Variants in DNTTIP1 observed in about 807,000 individuals in gnomAD.
DNTTIP1 encodes the protein deoxynucleotidyltransferase terminal interacting protein 1.
A neutral mutation model predicts 52.9 loss-of-function variants in DNTTIP1; 22 were observed. The ratio of observed to expected loss-of-function variants is 0.42; its 90% CI spans 0.30 to 0.59. The LOEUF (loss-of-function observed/expected upper bound fraction) is 0.59. Among genes scored for constraint, DNTTIP1 ranks in the 20% least tolerant of loss-of-function variants. The pLI, the probability that DNTTIP1 is intolerant of heterozygous loss-of-function variation, is 0.22. For synonymous variants in DNTTIP1, 136 were observed against 155.1 expected (o/e 0.88, Z 0.92); for missense variants, 286 against 435.5 (o/e 0.66, Z 3.06).
intron 9 of DNTTIP1, 42 bp from the exon 10 acceptor site, chr20:45,805,264 T>C (rs773411054): frequency 6.2e-7 from 1 of 1,614,142 alleles, no homozygotes; most frequent in South Asian, 1.1e-5. Flanking sequence ...CTAGTAGGAC[T>C]ACACTTTCTG....
chr20:45,811,216 C>T lies in DNTTIP1; in HGVS notation c.*21C>T, dbSNP rs763480106. The T allele has an allele frequency of 1.3e-6, 2 of 1,586,338 alleles. No homozygotes were observed. Among genetic ancestry groups the T allele is most frequent in the South Asian group, 1.2e-5 (1 of 85,994 alleles). ...CCTGAGGCCGGGTCCCCTGGCCACA[C>T]TTGGCAGCCCTCCTCCAAAGCCCTC... On this transcript the variant is annotated 3_prime_UTR_variant, in exon 13 of 13. Transcript: ENST00000372622.
chr20:45,801,535 C>G (rs1601029042), intron 6 of DNTTIP1, 77 bp downstream of exon 6: 2 of 1,517,098 alleles, frequency 1.3e-6, no homozygotes, highest in East Asian at 4.5e-5. Context: ...CACCTGTAAT[C>G]CCAACACTTT....
chr20:45,801,331 T>C, intron 5 of DNTTIP1, 71 bp from the exon 6 acceptor site: 2 of 1,569,750 alleles, frequency 1.3e-6, no homozygotes, highest in East Asian at 4.5e-5. Flanking sequence ...CAGGGCTGTC[T>C]TCTGCAACTC....
At chr20:45,806,698 A>G (rs1981661454) in intron 10 of DNTTIP1, among the ~76,000 whole-genome samples, 1 of 152,244 alleles carries the variant, frequency 6.6e-6, no homozygotes, top group Non-Finnish European at 1.5e-5. Context: ...TTTGAAAGGC[A>G]TACCTGCTCA....
At chr20:45,801,496 AG>A in intron 6 of DNTTIP1, 38 bp downstream of exon 6, 1 of 1,609,904 alleles carries the variant, frequency 6.2e-7, no homozygotes, top group African/African-American at 1.3e-5. Flanking sequence ...GGCTGAAAAA[AG>A]GCTTGTCAGG....
intron 1 of DNTTIP1, 64 bp downstream of exon 1, chr20:45,792,173 T>C (rs1981040532): frequency 2.9e-6 from 3 of 1,022,766 alleles, no homozygotes; most frequent in African/African-American, 3.3e-5. Context: ...CCTGGGACCC[T>C]GGCCCGCGGG....
At chr20:45,807,533 T>G (rs1690750195) in intron 10 of DNTTIP1, among the ~76,000 whole-genome samples, 1 of 152,228 alleles carries the variant, frequency 6.6e-6, no homozygotes, top group South Asian at 2.1e-4. Flanking sequence ...TTTCTCTCCT[T>G]CAGAAGGCAT....
At chr20:45,801,221 G>A (rs1981458500) in intron 5 of DNTTIP1, 79 bp downstream of exon 5, 18 of 1,472,298 alleles carry the variant, frequency 1.2e-5, no homozygotes, top group Non-Finnish European at 1.5e-5. Flanking sequence ...TGGGCCCAGG[G>A]AGGTTCCATG....
intron 10 of DNTTIP1, among the ~76,000 whole-genome samples, chr20:45,808,009 A>G (rs994816605): frequency 6.6e-6 from 1 of 151,988 alleles, no homozygotes; most frequent in African/African-American, 2.4e-5. Flanking sequence ...AGGTGCTTAA[A>G]TTCTGGTTTC....
chr20:45,800,764 T>A (rs1981438443), intron 4 of DNTTIP1, among the ~76,000 whole-genome samples: 9 of 119,148 alleles, frequency 7.6e-5, no homozygotes, highest in East Asian at 5.1e-4. Context: ...TATTTGGAAG[T>A]GGGCCGATCA....
chr20:45,806,944 C>T (rs938156275), intron 10 of DNTTIP1, among the ~76,000 whole-genome samples: 1 of 152,150 alleles, frequency 6.6e-6, no homozygotes, highest in African/African-American at 2.4e-5. Flanking sequence ...CCCACTTCAG[C>T]GTGGTTTAAA....
intron 7 of DNTTIP1, 58 bp downstream of exon 7, chr20:45,802,115 C>G: frequency 6.3e-7 from 1 of 1,579,592 alleles, no homozygotes; most frequent in Admixed American, 1.7e-5. Context: ...GAGAGGGGCC[C>G]TGAAGGAAAA....
intron 8 of DNTTIP1, 98 bp downstream of exon 8, chr20:45,803,476 G>C: frequency 7.5e-7 from 1 of 1,337,614 alleles, no homozygotes; most frequent in East Asian, 2.4e-5. Context: ...GGCGAAGGGT[G>C]CATGCACACC....
chr20:45,796,948 C>T (rs961346948), intron 4 of DNTTIP1, among the ~76,000 whole-genome samples: 4 of 152,198 alleles, frequency 2.6e-5, no homozygotes, highest in South Asian at 2.1e-4. Context: ...TCTCACCCCC[C>T]GCCTCTAACT....
At chr20:45,805,234 G>A (rs1981593920) in intron 9 of DNTTIP1, 30 bp downstream of exon 9, 1 of 1,614,072 alleles carries the variant, frequency 6.2e-7, no homozygotes, top group Middle Eastern at 1.6e-4. Context: ...CACTGATTGA[G>A]GAAACAGCTC....
intron 10 of DNTTIP1, among the ~76,000 whole-genome samples, chr20:45,808,865 C>T (rs934938334): frequency 7.9e-5 from 12 of 152,086 alleles, no homozygotes; most frequent in Admixed American, 2.0e-4. Context: ...ACCAGTTGCC[C>T]GGGGTGCTTT....
chr20:45,807,382 A>G (rs1307383801), intron 10 of DNTTIP1, among the ~76,000 whole-genome samples: 4 of 152,052 alleles, frequency 2.6e-5, no homozygotes, highest in Admixed American at 6.6e-5. Context: ...CAGCCTCCCA[A>G]AGTGCTGGAA....
intron 10 of DNTTIP1, among the ~76,000 whole-genome samples, chr20:45,805,793 TAG>T (rs1274882554): frequency 6.6e-6 from 1 of 152,130 alleles, no homozygotes; most frequent in Non-Finnish European, 1.5e-5. Flanking sequence ...GTCTGTAAAT[TAG>T]AGTTTGGGCC....
intron 4 of DNTTIP1, among the ~76,000 whole-genome samples, chr20:45,796,767 C>T (rs757748941): frequency 2.7e-4 from 41 of 152,178 alleles, no homozygotes; most frequent in Non-Finnish European, 4.3e-4. Flanking sequence ...CCCCTCTTGT[C>T]GGGGTCGCTA....
Sources: allele counts gnomAD v4.1 joint callset (sites outside exome capture counted in the v4.1 genomes callset), GRCh38; gene constraint gnomAD v4.1.1; transcripts MANE v1.5; gene names NCBI Gene and HGNC (gene_info 2026-07-23, HGNC 2026-07-21).